SRSF11: variants seen among roughly 807,000 people sequenced by gnomAD.
The protein encoded by SRSF11 is serine/arginine-rich splicing factor 11.
A neutral mutation model predicts 56.0 loss-of-function variants in SRSF11; 9 were observed. The observed-to-expected ratio is 0.16, with a 90% CI of 0.10 to 0.28. The LOEUF (loss-of-function observed/expected upper bound fraction) is 0.28, where lower values mean the gene tolerates loss of function less well. Among genes scored for constraint, SRSF11 ranks in the 10% least tolerant of loss-of-function variants. SRSF11 has a pLI of 1.00. For synonymous variants in SRSF11, 222 were observed against 215.3 expected, an observed-to-expected ratio of 1.03 and a Z score of -0.27; for missense variants, 421 against 600.7, an observed-to-expected ratio of 0.70 and a Z score of 3.13.
chr1:70,225,782 G>C (rs1176176294), intron 1 of SRSF11, among the ~76,000 whole-genome samples: 1 of 152,042 alleles, frequency 6.6e-6, no homozygotes, highest in Non-Finnish European at 1.5e-5. Flanking sequence ...ACCCTATCTT[G>C]TTCCTCATTT....
At chr1:70,247,880 A>G (rs996990380) in intron 9 of SRSF11, among the ~76,000 whole-genome samples, 2 of 152,154 alleles carry the variant, frequency 1.3e-5, no homozygotes, top group African/African-American at 4.8e-5. Context: ...ACTCCAAAGG[A>G]GATATGCAAA....
chr1:70,234,445 T>C (rs1222262868), intron 3 of SRSF11, among the ~76,000 whole-genome samples: 1 of 152,176 alleles, frequency 6.6e-6, no homozygotes, highest in African/African-American at 2.4e-5. Context: ...GGGTGTCATA[T>C]AGAGCAAGAC....
intron 1 of SRSF11, among the ~76,000 whole-genome samples, chr1:70,206,485 T>A (rs1669036638): frequency 6.6e-6 from 1 of 152,186 alleles, no homozygotes; most frequent in African/African-American, 2.4e-5. Context: ...TGTAAGTCGG[T>A]GTTTCCTAGG....
At chr1:70,234,622 A>G (rs1673549026) in intron 3 of SRSF11, 74 bp from the exon 4 acceptor site, 7 of 1,237,398 alleles carry the variant, frequency 5.7e-6, no homozygotes, top group Non-Finnish European at 7.9e-6. Flanking sequence ...GACCCTTTAC[A>G]TTAAAAAAGT....
intron 7 of SRSF11, 144 bp downstream of exon 7, chr1:70,239,664 C>A: frequency 1.8e-6 from 1 of 541,300 alleles, no homozygotes; most frequent in Non-Finnish European, 3.2e-6. Context: ...TGACTGTTCA[C>A]ACATGTAAAA....
chr1:70,247,006 A>ATTT, intron 9 of SRSF11, 99 bp downstream of exon 9: 1 of 1,161,938 alleles, frequency 8.6e-7, no homozygotes, highest in Non-Finnish European at 1.2e-6. Flanking sequence ...GAACATAAGT[A>ATTT]TTTCAGTGTT....
At chr1:70,211,982 G>A (rs1311761696) in intron 1 of SRSF11, among the ~76,000 whole-genome samples, 1 of 151,968 alleles carries the variant, frequency 6.6e-6, no homozygotes, top group Non-Finnish European at 1.5e-5. Flanking sequence ...ATAATTACTT[G>A]ATCAATATCT....
intron 6 of SRSF11, among the ~76,000 whole-genome samples, chr1:70,238,323 T>G (rs1341503110): frequency 6.6e-6 from 1 of 152,218 alleles, no homozygotes; most frequent in Non-Finnish European, 1.5e-5. Flanking sequence ...GCTGTTTATA[T>G]TGAAAATATA....
intron 2 of SRSF11, chr1:70,229,927 G>A: frequency 4.1e-6 from 4 of 985,372 alleles, no homozygotes; most frequent in Non-Finnish European, 4.8e-6. Flanking sequence ...GTGTGTTTTG[G>A]TTAAGCAATT....
chr1:70,250,073 A>G (rs375282481), intron 10 of SRSF11, 26 bp downstream of exon 10: 41 of 1,570,950 alleles, frequency 2.6e-5, no homozygotes, highest in South Asian at 2.2e-4. Context: ...ATTTAAATGT[A>G]TTTTTTATAT....
At chr1:70,225,505 A>T (rs1671576213) in intron 1 of SRSF11, among the ~76,000 whole-genome samples, 1 of 152,156 alleles carries the variant, frequency 6.6e-6, no homozygotes, top group South Asian at 2.1e-4. Context: ...CACTTAGCAC[A>T]CTATTAAGGT....
At chr1:70,233,215 GT>G (rs113798610) in intron 3 of SRSF11, among the ~76,000 whole-genome samples, 1,660 of 149,684 alleles carry the variant, frequency 0.011, 17 homozygotes, top group Non-Finnish European at 0.018. Flanking sequence ...GTTTTGTTTT[GT>G]TTTTTTTTGT....
upstream of SRSF11, among the ~76,000 whole-genome samples, chr1:70,217,417 G>A (rs1177720196): frequency 2.0e-5 from 3 of 152,052 alleles, no homozygotes; most frequent in South Asian, 2.1e-4. Flanking sequence ...TTGGCCTGCC[G>A]AAGTACTTGG....
Position 70,248,959 on chromosome 1 carries a change from CACAGAGGGCTGTG to C in SRSF11, c.1023-992_1023-980del, listed in dbSNP as rs567085072. The C allele has an allele frequency of 2.7e-4, 41 of 152,126 alleles. No homozygotes were observed. The East Asian group carries it at 7.9e-3, about 29-fold the overall frequency. 9.4% of individuals were successfully genotyped at this position (152,126 alleles called of 1,614,324 possible). On this transcript the variant is annotated intron_variant, in intron 9 of 11. Coordinates refer to ENST00000370949, the MANE Select transcript of SRSF11 (RefSeq NM_001350605.2). ...TGTGTAACGTTTCCAGGACAAGGGTCACAGAGGGCTGTGTAAGTAGAAAAAAAGCTTCATTTGG... is the reference window on the plus strand; with the variant it reads ...TGTGTAACGTTTCCAGGACAAGGGTCTAAGTAGAAAAAAAGCTTCATTTGG...
chr1:70,247,213 T>A, intron 9 of SRSF11: 1 of 612,542 alleles, frequency 1.6e-6, no homozygotes, highest in South Asian at 7.3e-5. Context: ...TTCCATTAAG[T>A]AAGCTTATTA....
At chr1:70,206,143 C>T (rs1668994455) in intron 1 of SRSF11, among the ~76,000 whole-genome samples, 1 of 152,168 alleles carries the variant, frequency 6.6e-6, no homozygotes, top group African/African-American at 2.4e-5. Flanking sequence ...GGACTGGCAA[C>T]ATAGAAGACA....
chr1:70,227,021 G>C (rs1460676895), intron 1 of SRSF11, among the ~76,000 whole-genome samples: 1 of 152,134 alleles, frequency 6.6e-6, no homozygotes, highest in Admixed American at 6.6e-5. Flanking sequence ...TTTGAACTTG[G>C]GTTAGGGTCT....
At chr1:70,235,399 A>G in intron 4 of SRSF11, 102 bp from the exon 5 acceptor site, 1 of 922,906 alleles carries the variant, frequency 1.1e-6, no homozygotes, top group Non-Finnish European at 1.7e-6. Flanking sequence ...GTTTCATGGC[A>G]TGTAGTCTGC....
chr1:70,245,864 G>C (rs1446427007), intron 8 of SRSF11, among the ~76,000 whole-genome samples: 1 of 152,100 alleles, frequency 6.6e-6, no homozygotes, highest in Non-Finnish European at 1.5e-5. Context: ...AATATTTTCA[G>C]GTTTGTACTT....
Sources: allele counts gnomAD v4.1 joint callset (sites outside exome capture counted in the v4.1 genomes callset), GRCh38; gene constraint gnomAD v4.1.1; transcripts MANE v1.5; gene names NCBI Gene and HGNC (gene_info 2026-07-23, HGNC 2026-07-21).